Variants in MPRIP observed in about 807,000 individuals in gnomAD.
MPRIP encodes myosin phosphatase Rho-interacting protein.
In MPRIP, 59 loss-of-function variants were observed where a neutral mutation model predicts 234.9. The observed-to-expected ratio is 0.25, with a 90% CI of 0.20 to 0.31. MPRIP has a LOEUF of 0.31. MPRIP is among the 10% of genes least tolerant of loss of function. MPRIP has a pLI of 1.00. For synonymous variants in MPRIP, 1,144 were observed against 1,263.9 expected, an observed-to-expected ratio of 0.91 and a Z score of 2.01; for missense variants, 2,436 against 3,071.0, an observed-to-expected ratio of 0.79 and a Z score of 4.89.
chr17:17,049,783 G>A (rs2088474740), intron 1 of MPRIP, among the ~76,000 whole-genome samples: 1 of 152,340 alleles, frequency 6.6e-6, no homozygotes, highest in East Asian at 1.9e-4. Flanking sequence ...CAGCTGGTGG[G>A]CCAATTTGGC....
intron 22 of MPRIP, among the ~76,000 whole-genome samples, 154 bp downstream of exon 22, chr17:17,177,566 G>A (rs192682977): frequency 3.3e-4 from 50 of 152,350 alleles, no homozygotes; most frequent in Admixed American, 1.6e-3. Context: ...AGCTTCACAC[G>A]GCTGCCCCAG....
intron 1 of MPRIP, among the ~76,000 whole-genome samples, chr17:17,056,715 C>G (rs1270525965): frequency 1.3e-5 from 2 of 152,124 alleles, no homozygotes; most frequent in Non-Finnish European, 2.9e-5. Context: ...ACTGCCACCC[C>G]TCTTCAGTTG....
intron 3 of MPRIP, among the ~76,000 whole-genome samples, chr17:17,085,710 G>A (rs751805968): frequency 4.2e-4 from 64 of 152,284 alleles, no homozygotes; most frequent in Middle Eastern, 3.4e-3. Flanking sequence ...TCAGGAGATC[G>A]AGACCATCTA....
At chr17:17,160,745 C>T (rs904600871) in intron 14 of MPRIP, among the ~76,000 whole-genome samples, 8 of 152,208 alleles carry the variant, frequency 5.3e-5, no homozygotes, top group Admixed American at 2.0e-4. Context: ...TGGAGTGAGG[C>T]CTGCTTGGGG....
intron 3 of MPRIP, among the ~76,000 whole-genome samples, chr17:17,101,347 C>T (rs1012592129): frequency 1.3e-5 from 2 of 152,184 alleles, no homozygotes; most frequent in Non-Finnish European, 2.9e-5. Flanking sequence ...AGGTGGATCA[C>T]CTGAGGTCAG....
intron 7 of MPRIP, among the ~76,000 whole-genome samples, chr17:17,141,226 T>C (rs1460740646): frequency 6.6e-6 from 1 of 152,194 alleles, no homozygotes; most frequent in Non-Finnish European, 1.5e-5. Flanking sequence ...AAGTGGCCTG[T>C]TGGTGAGCCT....
chr17:17,132,463 C>T (rs960220433), intron 5 of MPRIP, among the ~76,000 whole-genome samples: 1 of 152,222 alleles, frequency 6.6e-6, no homozygotes, highest in African/African-American at 2.4e-5. Context: ...CTGTACCATA[C>T]GCTACTCTTC....
At chr17:17,161,161 A>C (rs2045855813) in intron 14 of MPRIP, 79 bp from the exon 15 acceptor site, 13 of 943,318 alleles carry the variant, frequency 1.4e-5, no homozygotes, top group Non-Finnish European at 1.8e-5. Flanking sequence ...ATGGAAGACC[A>C]GTGAAAGAGT....
chr17:17,127,556 G>A (rs1004768269), intron 4 of MPRIP, among the ~76,000 whole-genome samples: 3 of 152,246 alleles, frequency 2.0e-5, no homozygotes, highest in Non-Finnish European at 2.9e-5. Flanking sequence ...CATGGCCTGG[G>A]CCATGGTGAA....
intron 1 of MPRIP, among the ~76,000 whole-genome samples, chr17:17,048,724 G>A (rs542817935): frequency 1.3e-4 from 20 of 152,196 alleles, no homozygotes; most frequent in Non-Finnish European, 2.2e-4. Flanking sequence ...ACTCTTGCAC[G>A]TTGCTGGTGG....
chr17:17,086,715 G>A (rs752481157), intron 3 of MPRIP, among the ~76,000 whole-genome samples: 11 of 152,230 alleles, frequency 7.2e-5, no homozygotes, highest in Non-Finnish European at 1.3e-4. Flanking sequence ...GGGGTCATAA[G>A]GGAAGCTCAG....
In MPRIP at chr17:17,144,875, A is replaced by G. The variant is rs2045423372; in HGVS notation, c.1504-1161A>G. ...GTCTCAAAAAAAAGAAAGATCTGCA[A>G]GCTAAGCAGGCTGTCAGAGAGGGGG... On this transcript the variant is annotated intron_variant, in intron 9 of 23. Coordinates refer to ENST00000651222, the MANE Select transcript of MPRIP (RefSeq NM_001364716.4). Among the ~76,000 whole-genome samples, 3 of 152,354 alleles carry G rather than the reference A, an allele frequency of 2.0e-5. No homozygotes were observed. The South Asian group carries it at 6.2e-4, about 32-fold the overall frequency.
intron 3 of MPRIP, among the ~76,000 whole-genome samples, chr17:17,088,045 G>C (rs2089631549): frequency 6.6e-6 from 1 of 152,224 alleles, no homozygotes. Flanking sequence ...TGCCTGAGTG[G>C]AGTGACTGCT....
At chr17:17,076,704 A>T (rs1421838966) in intron 2 of MPRIP, among the ~76,000 whole-genome samples, 1 of 152,130 alleles carries the variant, frequency 6.6e-6, no homozygotes, top group Non-Finnish European at 1.5e-5. Context: ...GTCCCTGTTC[A>T]TGCCACCCAG....
chr17:17,165,893 C>T lies in MPRIP; in HGVS notation c.4302C>T (p.Arg1434=), dbSNP rs564431457. The change falls in exon 16 of 24, where the codon CGC becomes CGT. Residue 1434 remains arginine (R), a synonymous_variant. Transcript: ENST00000651222. ...AGGCCCAGCTGCGTGAGCAGCTCCG[C>T]GCCAGCCTGCTCCAGGTTGGCGCAC... ...GTEAQLREQL[R]ASLLQVGALA... is the part of the protein sequence containing the mutation. 62 of 1,303,776 alleles carry T rather than the reference C, an allele frequency of 4.8e-5. No individual in the cohort carries two copies. Among genetic ancestry groups the T allele is most frequent in the African/African-American group, 2.3e-4 (15 of 65,872 alleles). 80.8% of individuals were successfully genotyped at this position (1,303,776 alleles called of 1,614,324 possible).
chr17:17,101,719 G>A (rs2089965500), intron 3 of MPRIP, among the ~76,000 whole-genome samples: 1 of 152,250 alleles, frequency 6.6e-6, no homozygotes, highest in African/African-American at 2.4e-5. Flanking sequence ...ATTGTTTCCT[G>A]AGGGTAGAGT....
chr17:17,169,834 G>A lies in MPRIP; in HGVS notation c.6325-1884G>A, dbSNP rs151270817. Among the ~76,000 whole-genome samples the A allele has an allele frequency of 2.0e-5, 3 of 152,344 alleles. No individual in the cohort carries two copies. The East Asian group carries it at 5.8e-4, about 29-fold the overall frequency. Reference sequence around the variant, plus strand: ...CCACCACACCACGATTGCAGTCATCGGGGAACTTCTTTTGGTGTCAGGAAT... The same window carrying A: ...CCACCACACCACGATTGCAGTCATCAGGGAACTTCTTTTGGTGTCAGGAAT... On this transcript the variant is annotated intron_variant, in intron 16 of 23. Transcript: ENST00000651222.
At position 17,177,438 on chromosome 17, in the gene MPRIP, G is replaced by A. The variant is rs376763968; in HGVS notation, c.7120+26G>A. 28 of 1,604,698 alleles carry A rather than the reference G, an allele frequency of 1.7e-5. No individual in the cohort carries two copies. The African/African-American group carries it at 1.9e-4, about 11-fold the overall frequency. On this transcript the variant is annotated intron_variant, in intron 22 of 23. Transcript: ENST00000651222. ...GTGCGTCCTCGGGTCATGCCCTCTC[G>A]GTTATTGCTGGGGGGCTTATGGGGG...
intron 3 of MPRIP, among the ~76,000 whole-genome samples, chr17:17,080,365 T>A (rs2089434498): frequency 6.6e-6 from 1 of 152,176 alleles, no homozygotes; most frequent in South Asian, 2.1e-4. Flanking sequence ...AGCTCCAGCT[T>A]AACGGTCAAC....
Sources: gnomAD v4.1 joint callset for allele counts (sites outside exome capture counted in the v4.1 genomes callset) on GRCh38, gnomAD v4.1.1 for gene constraint, MANE v1.5 for transcripts, NCBI Gene and HGNC (gene_info 2026-07-23, HGNC 2026-07-21) for gene names.